The following POLR1C variants were observed in gnomAD, a reference collection of about 807,000 sequenced individuals.
POLR1C encodes RNA polymerase I and III subunit C, also known as DNA-directed RNA polymerases I and III subunit RPAC1.
In POLR1C, 42 loss-of-function variants were observed where a neutral mutation model predicts 38.3. That is an observed-to-expected ratio of 1.10 (90% CI 0.86 to 1.42). POLR1C has a LOEUF of 1.42. Among genes scored for constraint, POLR1C ranks in the 40% most tolerant of loss-of-function variants. The pLI is 0.00. For missense variants in POLR1C, 507 were observed against 450.5 expected, an observed-to-expected ratio of 1.13 and a Z score of -1.14; for synonymous variants, 163 against 163.9, an observed-to-expected ratio of 0.99 and a Z score of 0.04.
At chr6:43,558,863 C>G (rs1419340216) in intron 10 of POLR1C, 1 of 325,604 alleles carries the variant, frequency 3.1e-6, no homozygotes, top group Non-Finnish European at 5.6e-6. Flanking sequence ...TTTAAGGTCC[C>G]CAGAAAAAAT....
chr6:43,539,591 C>A, intron 9 of POLR1C: 1 of 1,372,570 alleles, frequency 7.3e-7, no homozygotes, highest in Non-Finnish European at 1.0e-6. Context: ...TCCACGGCTG[C>A]GACCCCGGCC....
At chr6:43,531,016 C>T (rs1382377088), downstream of POLR1C, among the ~76,000 whole-genome samples, 3 of 152,164 alleles carry the variant, frequency 2.0e-5, no homozygotes. Flanking sequence ...TCAGCAGTAG[C>T]TTTCATTACT....
chr6:43,520,448 C>T, intron 6 of POLR1C, 21 bp downstream of exon 6: 1 of 1,612,932 alleles, frequency 6.2e-7, no homozygotes, highest in Non-Finnish European at 8.5e-7. Flanking sequence ...TGTGTGCCTT[C>T]CTGGGAAGGG....
chr6:43,529,305 G>A (rs1335357799), exon 9 of POLR1C: 2 of 1,062,188 alleles, frequency 1.9e-6, no homozygotes, highest in South Asian at 2.4e-5. Flanking sequence ...CACTTTGGGA[G>A]GCCAAGGCGA....
intron 9 of POLR1C, chr6:43,547,412 G>A: frequency 1.5e-6 from 1 of 671,440 alleles, no homozygotes; most frequent in Non-Finnish European, 2.7e-6. Context: ...TCATAGAAAA[G>A]ACCATCTGCT....
At chr6:43,553,625 T>TGAA in intron 10 of POLR1C, 1 of 1,439,854 alleles carries the variant, frequency 6.9e-7, no homozygotes, top group East Asian at 2.5e-5. Flanking sequence ...ATTTCATGAT[T>TGAA]GAAGGAGCAG....
chr6:43,531,365 A>G (rs1413950063), downstream of POLR1C: 17 of 937,210 alleles, frequency 1.8e-5, no homozygotes, highest in Non-Finnish European at 2.5e-5. Context: ...TAAGTTTCCT[A>G]TCAAACTCTT....
intron 8 of POLR1C, chr6:43,526,672 C>A: frequency 6.2e-7 from 1 of 1,613,788 alleles, no homozygotes; most frequent in Admixed American, 1.7e-5. Flanking sequence ...CAAGGTCTCA[C>A]AGGCTCACTT....
At chr6:43,538,602 AT>A (rs1794495944) in intron 9 of POLR1C, among the ~76,000 whole-genome samples, 1 of 152,200 alleles carries the variant, frequency 6.6e-6, no homozygotes, top group Non-Finnish European at 1.5e-5. Context: ...AAATGTGGTT[AT>A]ATTAAAAGAC....
intron 9 of POLR1C, among the ~76,000 whole-genome samples, chr6:43,540,068 C>T (rs762810496): frequency 1.4e-4 from 21 of 152,132 alleles, no homozygotes; most frequent in Non-Finnish European, 2.8e-4. Flanking sequence ...CCAGCCTGGC[C>T]AACATGATGA....
downstream of POLR1C, chr6:43,531,515 C>G: frequency 1.2e-6 from 2 of 1,613,976 alleles, no homozygotes; most frequent in Non-Finnish European, 1.7e-6. Context: ...ACGCTGCATT[C>G]TTTCCAAGAC....
At chr6:43,536,632 G>A (rs974735868) in intron 9 of POLR1C, among the ~76,000 whole-genome samples, 10 of 150,426 alleles carry the variant, frequency 6.6e-5, no homozygotes, top group Admixed American at 2.0e-4. Context: ...GGTGGCACAC[G>A]CCTGTAAATC....
intron 10 of POLR1C, among the ~76,000 whole-genome samples, chr6:43,554,492 T>C (rs1312059338): frequency 6.6e-6 from 1 of 151,802 alleles, no homozygotes; most frequent in Non-Finnish European, 1.5e-5. Context: ...TGGCACGATC[T>C]TGGCTCACTG....
exon 9 of POLR1C, chr6:43,529,325 G>C (rs774522589): frequency 1.6e-5 from 11 of 687,124 alleles, no homozygotes; most frequent in Non-Finnish European, 2.1e-5. Flanking sequence ...AGTGGATCAC[G>C]GGGTCAAGAG....
chr6:43,529,029 A>G, intron 8 of POLR1C: 1 of 1,197,916 alleles, frequency 8.3e-7, no homozygotes, highest in Non-Finnish European at 1.2e-6. Context: ...AGGATTTGCC[A>G]GATGTCAAAA....
intron 9 of POLR1C, chr6:43,546,704 A>G: frequency 6.2e-7 from 1 of 1,612,864 alleles, no homozygotes. Context: ...TCAGTGGGCC[A>G]GCAAGTTCGT....
At chr6:43,539,690 G>A in intron 9 of POLR1C, 1 of 791,256 alleles carries the variant, frequency 1.3e-6, no homozygotes, top group East Asian at 2.7e-5. Flanking sequence ...CACTGCACCG[G>A]CGTCATCCGC....
In POLR1C at chr6:43,517,123, A is replaced by G. The variant is rs780845843; in HGVS notation, c.14A>G (p.Gln5Arg). The change falls in exon 1 of 9, where the codon CAG becomes CGG. Residue 5 changes from glutamine (Q) to arginine (R), a missense_variant. Transcript: ENST00000642195. MAASQAVEEMRSRVV... is the reference protein window; with the variant it reads MAASRAVEEMRSRVV... ...GAGAGATTGAAGATGGCGGCTTCTC[A>G]GGCGGTGGAGGAAATGCGGAGCCGC... The G allele has an allele frequency of 1.4e-5, 23 of 1,614,056 alleles. No individual in the cohort carries two copies. The highest frequency in any genetic ancestry group is 1.9e-5 in the Non-Finnish European group (22 of 1,180,030).
At chr6:43,557,484 T>A (rs778434662) in intron 10 of POLR1C, among the ~76,000 whole-genome samples, 1 of 151,964 alleles carries the variant, frequency 6.6e-6, no homozygotes, top group Non-Finnish European at 1.5e-5. Context: ...TTAAAAACAT[T>A]ATGCAAGTGA....
Sources: allele counts gnomAD v4.1 joint callset (sites outside exome capture counted in the v4.1 genomes callset), GRCh38; gene constraint gnomAD v4.1.1; transcripts MANE v1.5; gene names NCBI Gene and HGNC (gene_info 2026-07-23, HGNC 2026-07-21).